The following MALAT1 variants were observed in gnomAD, a reference collection of about 807,000 sequenced individuals.
MALAT1 encodes hepcarcin.
At chr11:65,499,330 G>C (rs762406918) in exon 3 of MALAT1, 2 of 501,138 alleles carry the variant, frequency 4.0e-6, no homozygotes, top group African/African-American at 1.9e-5. Flanking sequence ...TCTTCATGGA[G>C]TAAAAAATGT....
At chr11:65,501,176 TA>T (rs773413075) in exon 3 of MALAT1, 1 of 514,764 alleles carries the variant, frequency 1.9e-6, no homozygotes, top group Non-Finnish European at 3.9e-6. Flanking sequence ...ATTCGTTTTG[TA>T]AATGTAGAGT....
At chr11:65,501,459 C>G in exon 3 of MALAT1, 1 of 512,512 alleles carries the variant, frequency 2.0e-6, no homozygotes, top group Middle Eastern at 3.2e-4. Flanking sequence ...TTTTTCCCCC[C>G]ACCCCCTTAA....
exon 3 of MALAT1, chr11:65,499,712 A>G (rs1241840115): frequency 9.2e-6 from 4 of 434,506 alleles, no homozygotes; most frequent in South Asian, 6.8e-5. Context: ...TAGAGAAGAT[A>G]GGGAAATTAG....
Position 65,497,971 on chromosome 11 carries a change from A to C in MALAT1, n.178+106A>C, listed in dbSNP as rs193221071. ...GCTGTCCTTATAGGCTGGCCATTCC[A>C]GGTGGTGGTATTTAGATAAAACCAC... is the stretch of plus-strand genomic sequence containing the variant. On this transcript the variant is annotated intron_variant and non_coding_transcript_variant, in intron 1 of 3. Coordinates refer to ENST00000619449, the Ensembl canonical transcript of MALAT1. 1.5e-5 allele frequency: 8 copies of C among 518,914 alleles called. No homozygotes were observed. In the East Asian group the frequency reaches 4.4e-4, roughly 28 times the overall value. 32.1% of individuals were successfully genotyped at this position (518,914 alleles called of 1,614,324 possible). A position where few individuals can be genotyped will look rare whatever the true frequency, so the allele number is the denominator to read the frequency against.
At chr11:65,501,422 A>G (rs764749581) in exon 3 of MALAT1, 42 of 517,122 alleles carry the variant, frequency 8.1e-5, no homozygotes, top group South Asian at 4.2e-5. Flanking sequence ...AGAGATGTCC[A>G]TTGGAGAAAT....
chr11:65,502,184 C>T (rs1338788135), exon 3 of MALAT1: 6 of 518,170 alleles, frequency 1.2e-5, no homozygotes, highest in Admixed American at 3.9e-5. Flanking sequence ...AAGTATTGAA[C>T]TGGGGGTTGG....
At chr11:65,500,843 T>C (rs1854529756) in exon 3 of MALAT1, 2 of 518,774 alleles carry the variant, frequency 3.9e-6, no homozygotes, top group Middle Eastern at 3.2e-4. Flanking sequence ...TCTAATATAA[T>C]GGGGGAGTTT....
At chr11:65,503,451 G>A (rs1240685187) in exon 3 of MALAT1, 1 of 517,380 alleles carries the variant, frequency 1.9e-6, no homozygotes, top group African/African-American at 1.9e-5. Flanking sequence ...AGTGATCAGT[G>A]CCTTGATGCC....
chr11:65,497,958 G>A (rs373055245), intron 1 of MALAT1: 41 of 518,844 alleles, frequency 7.9e-5, no homozygotes, highest in Non-Finnish European at 1.4e-4. Flanking sequence ...TGTCCTTATA[G>A]GCTGGCCATT....
exon 3 of MALAT1, chr11:65,501,952 G>A (rs1565053281): frequency 1.9e-6 from 1 of 517,240 alleles, no homozygotes. Flanking sequence ...TCATGCCAGA[G>A]AACTTAAAGT....
chr11:65,501,396 C>G (rs544744669), exon 3 of MALAT1: 39 of 518,164 alleles, frequency 7.5e-5, no homozygotes, highest in South Asian at 5.2e-4. Context: ...GCAGTTCTCA[C>G]GTTGAGGTCT....
chr11:65,499,261 A>G (rs558314021), exon 3 of MALAT1: 1 of 513,638 alleles, frequency 1.9e-6, no homozygotes, highest in African/African-American at 1.9e-5. Context: ...TTAGAAGAGT[A>G]GCATGAGGAA....
At chr11:65,503,229 G>A (rs953229225) in exon 3 of MALAT1, 1 of 514,594 alleles carries the variant, frequency 1.9e-6, no homozygotes, top group Non-Finnish European at 3.9e-6. Flanking sequence ...GCATGTTAGG[G>A]ATAAGTGCTT....
downstream of MALAT1, chr11:65,506,500 CTTGA>C: frequency 3.7e-6 from 1 of 272,594 alleles, no homozygotes. Flanking sequence ...ATAAAAAAAT[CTTGA>C]TTGGGGAAAA....
At chr11:65,498,740 T>C (rs1448461467) in intron 2 of MALAT1, 2 of 518,906 alleles carry the variant, frequency 3.9e-6, no homozygotes, top group South Asian at 1.4e-5. Flanking sequence ...AAGAGGTATT[T>C]TAAAAGTTCC....
At chr11:65,504,614 A>C (rs768086860) in intron 3 of MALAT1, 2 of 518,714 alleles carry the variant, frequency 3.9e-6, no homozygotes, top group Admixed American at 1.9e-5. Flanking sequence ...CTTTTTGTTC[A>C]TTTCTGGTGG....
Position 65,500,051 on chromosome 11 carries a change from CAGAAGTT to C in MALAT1, n.1320_1326del, listed in dbSNP as rs771771372. The C allele has an allele frequency of 9.4e-4, 414 of 440,284 alleles. 2 individuals carry two copies. Among genetic ancestry groups the C allele is most frequent in the African/African-American group, 7.5e-3 (366 of 48,942 alleles). 27.3% of individuals were successfully genotyped at this position (440,284 alleles called of 1,614,324 possible). A position where few individuals can be genotyped will look rare whatever the true frequency, so the allele number is the denominator to read the frequency against. On this transcript the variant is annotated non_coding_transcript_exon_variant, in exon 3 of 4. Coordinates refer to ENST00000619449, the Ensembl canonical transcript of MALAT1. ...CCCATCAATTTAATTTCTGGTGGTG[CAGAAGTT>C]AGAAGGTAAAGCTTGAGAAGATGAG...
exon 3 of MALAT1, chr11:65,499,648 G>C (rs1001735172): frequency 2.3e-6 from 1 of 437,858 alleles, no homozygotes; most frequent in Non-Finnish European, 4.5e-6. Flanking sequence ...GGAGAAGATA[G>C]AAGTTTGAAG....
At chr11:65,498,215 C>T (rs746378617) in intron 1 of MALAT1, 33 of 518,774 alleles carry the variant, frequency 6.4e-5, no homozygotes, top group South Asian at 2.4e-4. Flanking sequence ...AAGCCATTCG[C>T]TTAGTTGGTC....
Sources: gnomAD v4.1 joint callset for allele counts on GRCh38, gnomAD v4.1.1 for gene constraint, MANE v1.5 for transcripts, NCBI Gene and HGNC (gene_info 2026-07-23, HGNC 2026-07-21) for gene names.